PLSCR4: variants seen among roughly 807,000 people sequenced by gnomAD.
PLSCR4 encodes Ca(2+)-dependent phospholipid scramblase 4.
PLSCR4 carries 25 observed loss-of-function variants against 36.3 expected under a neutral mutation model. The observed-to-expected ratio is 0.69, with a 90% confidence interval of 0.50 to 0.96. The LOEUF (loss-of-function observed/expected upper bound fraction) is 0.96. PLSCR4 is among the 40% of genes least tolerant of loss of function. PLSCR4 has a pLI of 0.00. For missense variants in PLSCR4, 408 were observed against 414.7 expected (o/e 0.98, Z 0.14); for synonymous variants, 122 against 132.9 (o/e 0.92, Z 0.56).
At chr3:146,204,782 A>T (rs1259675720) in intron 4 of PLSCR4, among the ~76,000 whole-genome samples, 1 of 152,084 alleles carries the variant, frequency 6.6e-6, no homozygotes, top group East Asian at 1.9e-4. Flanking sequence ...CAACTTCTGT[A>T]TTTATCACCA....
At chr3:146,199,063 A>G (rs933103609) in intron 6 of PLSCR4, among the ~76,000 whole-genome samples, 1 of 152,120 alleles carries the variant, frequency 6.6e-6, no homozygotes, top group Non-Finnish European at 1.5e-5. Context: ...TAAAAAATTA[A>G]TATTTAGTAA....
chr3:146,211,839 G>A (rs995510239), intron 3 of PLSCR4, among the ~76,000 whole-genome samples: 13 of 152,128 alleles, frequency 8.5e-5, no homozygotes, highest in African/African-American at 3.1e-4. Flanking sequence ...ATTTTGACAT[G>A]CTTGTAAAAA....
rs1460898822 is a variant in PLSCR4, at chr3:146,224,286, T to C, written c.-21-2194A>G. Among the ~76,000 whole-genome samples the C allele has an allele frequency of 7.2e-5, 11 of 152,326 alleles. No individual in the cohort carries two copies. In the East Asian group the frequency reaches 1.7e-3, roughly 24 times the overall value. On this transcript the variant is annotated intron_variant, in intron 1 of 8. Transcript: ENST00000354952. Reference sequence around the variant, plus strand: ...CACATGATACAATAATATCCTGTAGTGAAAACAAATTATAGCTGTGCACGT... The same window carrying C: ...CACATGATACAATAATATCCTGTAGCGAAAACAAATTATAGCTGTGCACGT...
At chr3:146,217,520 T>C (rs1018204154) in intron 3 of PLSCR4, among the ~76,000 whole-genome samples, 4 of 152,300 alleles carry the variant, frequency 2.6e-5, no homozygotes, top group African/African-American at 9.6e-5. Context: ...GAATTCTTTA[T>C]ATATGAGGTC....
At position 146,199,802 on chromosome 3, in the gene PLSCR4, C is replaced by T. The variant is rs1193811254; in HGVS notation, c.624+11G>A. The stretch of plus-strand genomic sequence containing the variant: ...AGAAGCAAGCTGTGGATCAGACTTC[C>T]ATTCTCTGACCTCTTGTCTGGCAGA... On this transcript the variant is annotated intron_variant, in intron 6 of 8. Transcript: ENST00000354952. 3 of 1,601,388 alleles carry T rather than the reference C, an allele frequency of 1.9e-6. No homozygotes were observed. The highest frequency in any genetic ancestry group is 2.6e-6 in the Non-Finnish European group (3 of 1,169,312).
chr3:146,220,402 G>C (rs1402198344), intron 3 of PLSCR4, among the ~76,000 whole-genome samples: 3 of 152,074 alleles, frequency 2.0e-5, no homozygotes, highest in Non-Finnish European at 4.4e-5. Flanking sequence ...TCATGACCCT[G>C]TACTTACGGA....
chr3:146,209,939 A>G lies in PLSCR4; in HGVS notation c.119-3178T>C, dbSNP rs370800617. Among the ~76,000 whole-genome samples, 43 of 152,234 alleles carry G rather than the reference A, an allele frequency of 2.8e-4. No homozygotes were observed. The South Asian group carries it at 8.9e-3, about 31-fold the overall frequency. On this transcript the variant is annotated intron_variant, in intron 3 of 8. Transcript: ENST00000354952. ...GAAAACAAAATAAGTTATGTAAGTC[A>G]AGATATTTTATGTTAAGATTTCAGT...
At chr3:146,240,337 T>C (rs760164167) in intron 1 of PLSCR4, among the ~76,000 whole-genome samples, 2 of 152,164 alleles carry the variant, frequency 1.3e-5, no homozygotes, top group Non-Finnish European at 2.9e-5. Context: ...AGGCCGGTCA[T>C]AGTGGCTCAT....
chr3:146,218,341 CATT>C (rs1281773576), intron 3 of PLSCR4, among the ~76,000 whole-genome samples: 1 of 151,672 alleles, frequency 6.6e-6, no homozygotes, highest in African/African-American at 2.4e-5. Context: ...GAATATTAAT[CATT>C]ATATCACTTC....
chr3:146,195,252 C>A lies in PLSCR4; in HGVS notation c.817G>T (p.Gly273Cys). ...CCATTCCACTTCCGGATAATACTGC[C>A]GATGTTGGATATGCCATCAAGGGAT... ...VKSLDGISNI[G>C]SIIRKWNGLL... Residue 273 changes from glycine to cysteine, a missense_variant, in exon 8 of 9, where the codon GGC (glycine) becomes TGC (cysteine). Transcript: ENST00000354952. 1 of 1,613,604 alleles carries A rather than the reference C, an allele frequency of 6.2e-7. No homozygotes were observed. Among genetic ancestry groups the A allele is most frequent in the Non-Finnish European group, 8.5e-7 (1 of 1,179,694 alleles).
At chr3:146,225,430 T>C (rs6804987) in intron 1 of PLSCR4, among the ~76,000 whole-genome samples, 55,330 of 151,986 alleles carry the variant, frequency 0.36, 10,137 homozygotes, top group African/African-American at 0.41. Context: ...GCCATGCGCT[T>C]GCACTCCTCA....
chr3:146,217,430 G>GA (rs2034949098), intron 3 of PLSCR4, among the ~76,000 whole-genome samples: 1 of 152,202 alleles, frequency 6.6e-6, no homozygotes, highest in African/African-American at 2.4e-5. Flanking sequence ...GACAAGGCTA[G>GA]AAAGATAGGA....
At chr3:146,232,385 T>C (rs190716443) in intron 1 of PLSCR4, among the ~76,000 whole-genome samples, 107 of 152,288 alleles carry the variant, frequency 7.0e-4, no homozygotes, top group Non-Finnish European at 1.2e-3. Context: ...AAAATGACAT[T>C]GGTAGTTTGA....
chr3:146,231,926 T>C lies in PLSCR4; in HGVS notation c.-21-9834A>G, dbSNP rs528179957. Among the ~76,000 whole-genome samples the C allele has an allele frequency of 3.1e-5, 4 of 130,356 alleles. No individual in the cohort carries two copies. The East Asian group carries it at 8.7e-4, about 28-fold the overall frequency. 85.5% of individuals were successfully genotyped at this position (130,356 alleles called of 152,430 possible). The stretch of plus-strand genomic sequence containing the variant: ...TTTGGAGACTTAATCACAAAATGTT[T>C]GCCAAGGCCTACATCCAGAATGGTA... On this transcript the variant is annotated intron_variant, in intron 1 of 8. Transcript: ENST00000354952.
chr3:146,230,412 T>C (rs1259811118), intron 1 of PLSCR4, among the ~76,000 whole-genome samples: 1 of 152,088 alleles, frequency 6.6e-6, no homozygotes, highest in Admixed American at 6.6e-5. Flanking sequence ...TTTCTATGTG[T>C]ATGCATGCAG....
At chr3:146,205,595 G>T (rs1363643027) in intron 4 of PLSCR4, among the ~76,000 whole-genome samples, 1 of 151,970 alleles carries the variant, frequency 6.6e-6, no homozygotes. Flanking sequence ...GTGACTCTGG[G>T]TCTGTATACT....
Position 146,194,226 on chromosome 3 carries a change from C to G in PLSCR4, c.*185G>C. 1 of 575,318 alleles carries G rather than the reference C, an allele frequency of 1.7e-6. No individual in the cohort carries two copies. Among genetic ancestry groups the G allele is most frequent in the East Asian group, 2.8e-5 (1 of 35,224 alleles). 35.6% of individuals were successfully genotyped at this position (575,318 alleles called of 1,614,324 possible). A position where few individuals can be genotyped will look rare whatever the true frequency, so the allele number is the denominator to read the frequency against. On this transcript the variant is annotated 3_prime_UTR_variant, in exon 9 of 9. Coordinates refer to ENST00000354952, the MANE Select transcript of PLSCR4 (RefSeq NM_020353.3). ...ACTCCTATTCTACTAGAGAGATACT[C>G]AATTGAAACACACTTTTAGATTGTG...
intron 1 of PLSCR4, among the ~76,000 whole-genome samples, chr3:146,231,810 A>G (rs772876579): frequency 2.0e-5 from 3 of 151,852 alleles, no homozygotes; most frequent in South Asian, 2.1e-4. Context: ...TAGGTTGTCT[A>G]TTTACTCTGT....
intron 1 of PLSCR4, among the ~76,000 whole-genome samples, chr3:146,225,781 C>T (rs962030756): frequency 2.0e-4 from 31 of 152,308 alleles, no homozygotes; most frequent in African/African-American, 6.3e-4. Flanking sequence ...CCGCAAGCGC[C>T]GCACGCGGTT....
Sources: allele counts gnomAD v4.1 joint callset (sites outside exome capture counted in the v4.1 genomes callset), GRCh38; gene constraint gnomAD v4.1.1; transcripts MANE v1.5; gene names NCBI Gene and HGNC (gene_info 2026-07-23, HGNC 2026-07-21).